The following HS6ST1 variants were observed in gnomAD, a reference collection of about 807,000 sequenced individuals.
HS6ST1 encodes heparan sulfate 6-O-sulfotransferase 1.
A neutral mutation model predicts 25.2 loss-of-function variants in HS6ST1; 3 were observed. The observed-to-expected ratio is 0.12, with a 90% CI of 0.05 to 0.31. HS6ST1 has a LOEUF of 0.31. HS6ST1 is among the 10% of genes least tolerant of loss of function. The pLI, the probability that HS6ST1 is intolerant of heterozygous loss-of-function variation, is 1.00. For synonymous variants in HS6ST1, 204 were observed against 275.1 expected (o/e 0.74, Z 2.56); for missense variants, 310 against 609.6 (o/e 0.51, Z 5.18).
rs13385129 is a variant in HS6ST1, at chr2:128,268,045, T to C, written c.*117A>G. The stretch of plus-strand genomic sequence containing the variant: ...GCTCTGTTTTTTTTCAGGACGCAGC[T>C]ACCTCTGTGGAGCAGGTTTGGGATG... On this transcript the variant is annotated 3_prime_UTR_variant, in exon 2 of 2. Transcript: ENST00000259241. 0.025 allele frequency: 18,536 copies of C among 731,118 alleles called. 1,995 individuals are homozygous for C. The African/African-American group carries it at 0.29, about 11-fold the overall frequency. 45.3% of individuals were successfully genotyped at this position (731,118 alleles called of 1,614,324 possible). A position where few individuals can be genotyped will look rare whatever the true frequency, so the allele number is the denominator to read the frequency against.
intron 1 of HS6ST1, among the ~76,000 whole-genome samples, chr2:128,313,953 AAAG>A (rs1198950011): frequency 2.6e-5 from 4 of 152,060 alleles, no homozygotes; most frequent in African/African-American, 9.7e-5. Context: ...AAAAAAAAAA[AAAG>A]GATTTTTTAT....
chr2:128,294,763 C>T (rs1305947250), intron 1 of HS6ST1, among the ~76,000 whole-genome samples: 1 of 151,698 alleles, frequency 6.6e-6, no homozygotes, highest in South Asian at 2.1e-4. Context: ...CACACCCAGG[C>T]TCTGGGATTT....
chr2:128,305,211 C>T (rs1394350183), intron 1 of HS6ST1, among the ~76,000 whole-genome samples: 1 of 152,228 alleles, frequency 6.6e-6, no homozygotes, highest in African/African-American at 2.4e-5. Flanking sequence ...TTGGCTGAAA[C>T]CTGACACCCC....
intron 1 of HS6ST1, among the ~76,000 whole-genome samples, chr2:128,296,274 C>CTT (rs1486323331): frequency 6.6e-6 from 1 of 152,204 alleles, no homozygotes; most frequent in Non-Finnish European, 1.5e-5. Context: ...TGGTGAAACA[C>CTT]CAAAAGCTTT....
intron 1 of HS6ST1, among the ~76,000 whole-genome samples, chr2:128,275,205 TC>T (rs1172465709): frequency 4.6e-5 from 7 of 152,190 alleles, no homozygotes; most frequent in Admixed American, 6.5e-5. Context: ...ACTACTTGCC[TC>T]AGCGGTAAAT....
At chr2:128,315,459 TGGGCA>T (rs1005485578) in intron 1 of HS6ST1, among the ~76,000 whole-genome samples, 4 of 152,034 alleles carry the variant, frequency 2.6e-5, no homozygotes, top group Admixed American at 2.6e-4. Context: ...GAGCCAGCCT[TGGGCA>T]GGGAGGCAGG....
At chr2:128,317,853 G>C (rs1370717537) in intron 1 of HS6ST1, among the ~76,000 whole-genome samples, 184 bp downstream of exon 1, 1 of 152,202 alleles carries the variant, frequency 6.6e-6, no homozygotes, top group African/African-American at 2.4e-5. Flanking sequence ...GGTGACAGCC[G>C]GCTCACCCAG....
intron 1 of HS6ST1, among the ~76,000 whole-genome samples, chr2:128,299,296 C>T (rs1372231374): frequency 4.6e-5 from 7 of 152,252 alleles, no homozygotes; most frequent in Non-Finnish European, 1.5e-5. Flanking sequence ...AAACTGAGGC[C>T]ACAGCTGCAC....
Position 128,268,145 on chromosome 2 carries a change from C to G in HS6ST1, c.*17G>C, listed in dbSNP as rs527903834. 2 of 1,570,524 alleles carry G rather than the reference C, an allele frequency of 1.3e-6. No individual in the cohort carries two copies. The highest frequency in any genetic ancestry group is 2.7e-5 in the African/African-American group (2 of 73,922). ...CCCCACACCCCCCAAGAGGCCTCCC[C>G]GTGGCCACCACCGCCACTACCACTT... is the stretch of plus-strand genomic sequence containing the variant. On this transcript the variant is annotated 3_prime_UTR_variant, in exon 2 of 2. Coordinates refer to ENST00000259241, the MANE Select transcript of HS6ST1 (RefSeq NM_004807.3).
intron 1 of HS6ST1, among the ~76,000 whole-genome samples, chr2:128,293,675 C>T (rs1016022876): frequency 3.3e-5 from 5 of 152,142 alleles, no homozygotes; most frequent in South Asian, 2.1e-4. Context: ...TTGGGGCCCA[C>T]GGGGACAGAG....
At chr2:128,298,248 A>G (rs1218715569) in intron 1 of HS6ST1, among the ~76,000 whole-genome samples, 1 of 152,182 alleles carries the variant, frequency 6.6e-6, no homozygotes, top group Non-Finnish European at 1.5e-5. Context: ...TACTGTAGAA[A>G]GCAGTATGGT....
chr2:128,314,691 T>C (rs1326865944), intron 1 of HS6ST1, among the ~76,000 whole-genome samples: 1 of 152,140 alleles, frequency 6.6e-6, no homozygotes, highest in Non-Finnish European at 1.5e-5. Context: ...AAGGAAGCAC[T>C]GGTCTCTGCA....
At chr2:128,291,824 G>A (rs559703181) in intron 1 of HS6ST1, among the ~76,000 whole-genome samples, 8 of 152,346 alleles carry the variant, frequency 5.3e-5, no homozygotes, top group East Asian at 3.9e-4. Context: ...CAGGGGCGCC[G>A]GCGGGCATCT....
chr2:128,300,633 C>G (rs1250721604), intron 1 of HS6ST1, among the ~76,000 whole-genome samples: 1 of 152,140 alleles, frequency 6.6e-6, no homozygotes, highest in Non-Finnish European at 1.5e-5. Context: ...TCGGGGGAGG[C>G]TGTAACTAAG....
rs745353899 is a variant in HS6ST1, at chr2:128,318,330, C to T, written c.234G>A (p.Ser78=). 1.2e-6 allele frequency: 2 copies of T among 1,612,030 alleles called. No individual in the cohort carries two copies. The highest frequency in any genetic ancestry group is 1.7e-6 in the Non-Finnish European group (2 of 1,179,528). The change falls in exon 1 of 2, where the codon TCG becomes TCA. Residue 78 remains serine, a synonymous_variant. Transcript: ENST00000259241. The surrounding 1 kb of genome is among the most constrained non-coding windows in gnomAD (Gnocchi z 5.7). ...CGTCGCCCTTCATGTCGAAGCGCAG[C>T]GAGCGCTCCAGCTCGCGGACCGGGA... The part of the protein sequence containing the change: ...YYFPVRELER[S]LRFDMKGDDV...
Position 128,318,001 on chromosome 2 carries a change from G to A in HS6ST1, c.527+36C>T. The A allele has an allele frequency of 2.8e-6, 4 of 1,416,184 alleles. No homozygotes were observed. The highest frequency in any genetic ancestry group is 2.7e-6 in the Non-Finnish European group (3 of 1,098,664). The allele number at this position is 1,416,184 out of a possible 1,614,324, so 87.7% of individuals were successfully genotyped here. The stretch of plus-strand genomic sequence containing the variant: ...GGGCATACGGCCCGGCCTCGGGGGC[G>A]CAGCTGCGCGAGGATCCCGCCGCCC... On this transcript the variant is annotated intron_variant, in intron 1 of 1. Coordinates refer to ENST00000259241, the MANE Select transcript of HS6ST1 (RefSeq NM_004807.3). The surrounding 1 kb of genome is among the most constrained non-coding windows in gnomAD (Gnocchi z 5.7).
rs776902940 is a variant in HS6ST1 at position 128,268,432 on chromosome 2, C to G, written c.966G>C (p.Thr322=). Reference sequence around the variant, plus strand: ...CATCCACCTCCACGCCGCCCGCCCGCGTGCTATTGTACTGCATGAAGGGCC... The same window carrying G: ...CATCCACCTCCACGCCGCCCGCCCGGGTGCTATTGTACTGCATGAAGGGCC... ...FIRPFMQYNS[T]RAGGVEVDED... Residue 322 remains threonine, a synonymous_variant, in exon 2 of 2, where the codon ACG becomes ACC. Coordinates refer to ENST00000259241, the MANE Select transcript of HS6ST1 (RefSeq NM_004807.3). The G allele has an allele frequency of 1.2e-6, 2 of 1,613,530 alleles. No homozygotes were observed. Among genetic ancestry groups the G allele is most frequent in the Non-Finnish European group, 8.5e-7 (1 of 1,179,868 alleles).
At chr2:128,291,629 G>A (rs1371524180) in intron 1 of HS6ST1, among the ~76,000 whole-genome samples, 1 of 152,214 alleles carries the variant, frequency 6.6e-6, no homozygotes, top group Non-Finnish European at 1.5e-5. Flanking sequence ...CTGGGGCAAG[G>A]TGGACCTCAA....
intron 1 of HS6ST1, among the ~76,000 whole-genome samples, chr2:128,273,338 T>C (rs1373075305): frequency 2.6e-5 from 4 of 152,184 alleles, no homozygotes; most frequent in South Asian, 4.1e-4. Context: ...GCCTGTGGTA[T>C]AGACAAAGGG....
Sources: allele counts gnomAD v4.1 joint callset (sites outside exome capture counted in the v4.1 genomes callset), GRCh38; gene constraint gnomAD v4.1.1; non-coding constraint Gnocchi (gnomAD v3.1); transcripts MANE v1.5; gene names NCBI Gene and HGNC (gene_info 2026-07-23, HGNC 2026-07-21).